ZBTB44: variants seen among roughly 807,000 people sequenced by gnomAD.
The protein encoded by ZBTB44 is zinc finger and BTB domain-containing protein 44.
A neutral mutation model predicts 54.0 loss-of-function variants in ZBTB44; 15 were observed. The observed-to-expected ratio is 0.28, with a 90% CI of 0.19 to 0.43. ZBTB44 has a LOEUF of 0.43. Among genes scored for constraint, ZBTB44 ranks in the 20% least tolerant of loss-of-function variants. The pLI, the probability that ZBTB44 is intolerant of heterozygous loss-of-function variation, is 1.00. For synonymous variants in ZBTB44, 230 were observed against 250.1 expected (o/e 0.92, Z 0.76); for missense variants, 487 against 707.1 (o/e 0.69, Z 3.53).
chr11:130,268,171 A>G (rs1043065620), intron 1 of ZBTB44, among the ~76,000 whole-genome samples: 6 of 150,882 alleles, frequency 4.0e-5, no homozygotes, highest in African/African-American at 1.5e-4. Flanking sequence ...AGGCAGGAAG[A>G]CTACTTGAGC....
chr11:130,273,208 CTTTAA>C (rs1163130131), intron 1 of ZBTB44, among the ~76,000 whole-genome samples: 3 of 151,024 alleles, frequency 2.0e-5, no homozygotes, highest in Non-Finnish European at 4.4e-5. Flanking sequence ...TTTAGATTGT[CTTTAA>C]TTTCTTTCAG....
At chr11:130,239,978 A>C (rs1591930624) in intron 2 of ZBTB44, 82 bp from the exon 3 acceptor site, 1 of 908,446 alleles carries the variant, frequency 1.1e-6, no homozygotes, top group Non-Finnish European at 1.7e-6. Context: ...ATTATATCTA[A>C]GCCTCTGACA....
At chr11:130,293,937 A>C (rs1335902294) in intron 1 of ZBTB44, among the ~76,000 whole-genome samples, 1 of 152,242 alleles carries the variant, frequency 6.6e-6, no homozygotes, top group Non-Finnish European at 1.5e-5. Context: ...TTATCAATAA[A>C]TCAATTAAAT....
At chr11:130,262,132 GT>G (rs760826674) in intron 1 of ZBTB44, among the ~76,000 whole-genome samples, 1 of 151,162 alleles carries the variant, frequency 6.6e-6, no homozygotes, top group South Asian at 2.1e-4. Context: ...GTGAACCAAT[GT>G]TTTTTTTTGT....
At chr11:130,281,636 C>T (rs948330841) in intron 1 of ZBTB44, among the ~76,000 whole-genome samples, 16 of 151,586 alleles carry the variant, frequency 1.1e-4, no homozygotes, top group African/African-American at 3.9e-4. Flanking sequence ...ACTCTGTCAC[C>T]CCGGCTAGAG....
At chr11:130,252,476 C>A (rs1179443815) in intron 2 of ZBTB44, among the ~76,000 whole-genome samples, 3 of 152,182 alleles carry the variant, frequency 2.0e-5, no homozygotes, top group African/African-American at 7.2e-5. Context: ...AATATACATT[C>A]TTCTCAGCAC....
intron 7 of ZBTB44, 95 bp downstream of exon 7, chr11:130,233,213 C>A: frequency 8.2e-6 from 12 of 1,472,328 alleles, no homozygotes; most frequent in South Asian, 1.3e-5. Context: ...CGGGCAATGA[C>A]ACAGTCAGGC....
intron 1 of ZBTB44, among the ~76,000 whole-genome samples, chr11:130,272,645 C>A (rs905226073): frequency 2.0e-5 from 3 of 150,102 alleles, no homozygotes; most frequent in African/African-American, 7.3e-5. Flanking sequence ...ATCGTATCTA[C>A]AAATTCCTTG....
At chr11:130,236,220 T>C (rs1221466088) in intron 5 of ZBTB44, 18 of 1,283,210 alleles carry the variant, frequency 1.4e-5, no homozygotes, top group East Asian at 5.6e-5. Flanking sequence ...GGATGCCCTA[T>C]AAATCAGAAA....
intron 2 of ZBTB44, among the ~76,000 whole-genome samples, chr11:130,258,921 G>A (rs1938639121): frequency 6.6e-6 from 1 of 152,102 alleles, no homozygotes; most frequent in Non-Finnish European, 1.5e-5. Flanking sequence ...AAAATCACAA[G>A]CATTCCTGTG....
intron 1 of ZBTB44, among the ~76,000 whole-genome samples, chr11:130,291,103 T>C (rs1308854832): frequency 1.3e-5 from 2 of 151,968 alleles, no homozygotes; most frequent in Non-Finnish European, 2.9e-5. Context: ...TATTTTGTTT[T>C]CCCTTCTAAG....
At position 130,228,446 on chromosome 11, in the gene ZBTB44, T is replaced by G. The variant is rs1953761808; in HGVS notation, c.*3318A>C. On this transcript the variant is annotated 3_prime_UTR_variant, in exon 8 of 8. Transcript: ENST00000357899. ...TACACAGCATCTGTCAACTTGAAAA[T>G]TAAATTGGTAACTGAAATAAAAAAT... The G allele has an allele frequency of 6.6e-6, 1 of 152,054 alleles. No individual in the cohort carries two copies. Among genetic ancestry groups the G allele is most frequent in the East Asian group, 1.9e-4 (1 of 5,192 alleles). The allele number at this position is 152,054 out of a possible 1,614,324, so 9.4% of individuals were successfully genotyped here.
chr11:130,233,149 A>C (rs1020542424), intron 7 of ZBTB44, 159 bp downstream of exon 7: 1 of 783,878 alleles, frequency 1.3e-6, no homozygotes, highest in Non-Finnish European at 2.0e-6. Flanking sequence ...TTTATATGGC[A>C]GCACGCCAAT....
intron 2 of ZBTB44, among the ~76,000 whole-genome samples, chr11:130,253,258 C>A (rs540072380): frequency 6.6e-6 from 1 of 151,992 alleles, no homozygotes; most frequent in African/African-American, 2.4e-5. Flanking sequence ...TATTCAATTA[C>A]GAAAAGAGGA....
intron 1 of ZBTB44, among the ~76,000 whole-genome samples, chr11:130,269,152 G>GGT (rs1939488176): frequency 6.6e-6 from 1 of 151,986 alleles, no homozygotes; most frequent in African/African-American, 2.4e-5. Context: ...AGCTGGGAGT[G>GGT]GTGGTGTGTG....
chr11:130,280,475 A>G (rs1187526061), intron 1 of ZBTB44, among the ~76,000 whole-genome samples: 1 of 152,228 alleles, frequency 6.6e-6, no homozygotes, highest in Non-Finnish European at 1.5e-5. Context: ...GAAATGAAAG[A>G]AAAAATATAC....
chr11:130,305,162 T>C (rs998795540), intron 1 of ZBTB44, among the ~76,000 whole-genome samples: 1 of 152,194 alleles, frequency 6.6e-6, no homozygotes, highest in Non-Finnish European at 1.5e-5. Context: ...AGAATCAATA[T>C]GGTGACAATG....
intron 4 of ZBTB44, 21 bp downstream of exon 4, chr11:130,238,423 C>A (rs1490609651): frequency 6.3e-7 from 1 of 1,594,146 alleles, no homozygotes; most frequent in Non-Finnish European, 8.5e-7. Flanking sequence ...ACTTACGCAC[C>A]AACAGGGAAG....
chr11:130,247,721 T>C (rs1181930835), intron 2 of ZBTB44, among the ~76,000 whole-genome samples: 1 of 152,172 alleles, frequency 6.6e-6, no homozygotes, highest in African/African-American at 2.4e-5. Flanking sequence ...GAAAACATTA[T>C]GGTAAAAACA....
Sources: gnomAD v4.1 joint callset for allele counts (sites outside exome capture counted in the v4.1 genomes callset) on GRCh38, gnomAD v4.1.1 for gene constraint, MANE v1.5 for transcripts, NCBI Gene and HGNC (gene_info 2026-07-23, HGNC 2026-07-21) for gene names.